The following RBFOX1 variants were observed in gnomAD, a reference collection of about 807,000 sequenced individuals.
RBFOX1 encodes RNA binding fox-1 homolog 1, also known as RNA binding protein fox-1 homolog 1.
In RBFOX1, 8 loss-of-function variants were observed where a neutral mutation model predicts 57.7. The observed-to-expected ratio is 0.14, with a 90% CI of 0.08 to 0.25. RBFOX1 has a LOEUF of 0.25. Among genes scored for constraint, RBFOX1 ranks in the 10% least tolerant of loss-of-function variants. RBFOX1 has a pLI of 1.00. For synonymous variants in RBFOX1, 326 were observed against 222.4 expected (o/e 1.47, Z -4.15); for missense variants, 611 against 548.5 (o/e 1.11, Z -1.14).
intron 4 of RBFOX1, among the ~76,000 whole-genome samples, chr16:7,181,133 T>A (rs1283118693): frequency 6.6e-6 from 1 of 152,210 alleles, no homozygotes; most frequent in Non-Finnish European, 1.5e-5. Context: ...AGGCTTTCAA[T>A]CCTTCCTTGT....
intron 3 of RBFOX1, among the ~76,000 whole-genome samples, chr16:7,011,875 G>A (rs188517862): frequency 6.6e-6 from 1 of 152,308 alleles, no homozygotes; most frequent in East Asian, 1.9e-4. Context: ...GATGCCTTTG[G>A]ATGATGTTAG....
chr16:5,508,051 C>A lies in RBFOX1; in HGVS notation c.258+40797C>A, dbSNP rs577453658. Among the ~76,000 whole-genome samples the A allele has an allele frequency of 2.0e-5, 3 of 152,322 alleles. No homozygotes were observed. In the East Asian group the frequency reaches 5.8e-4, roughly 29 times the overall value. ...AGTGGGGAAAAATGTAGAAGGGAAA[C>A]CCCCATGGACAGTCCCCGGCCCCTC... On this transcript the variant is annotated intron_variant, in intron 2 of 2. Transcript: ENST00000585867.
At position 5,403,797 on chromosome 16, in the gene RBFOX1, G is replaced by T. The variant is rs369257649; in HGVS notation, c.220-63419G>T. On this transcript the variant is annotated intron_variant, in intron 1 of 2. Coordinates refer to the RBFOX1 transcript ENST00000585867. Reference sequence around the variant, plus strand: ...GCTAAAGAAAGGAAAAATCCCCACTGCTCTATTCAGTGATTTCCTGCCTCA... The same window carrying T: ...GCTAAAGAAAGGAAAAATCCCCACTTCTCTATTCAGTGATTTCCTGCCTCA... Among the ~76,000 whole-genome samples, 5 of 152,182 alleles carry T rather than the reference G, an allele frequency of 3.3e-5. No individual in the cohort carries two copies. In the East Asian group the frequency reaches 9.7e-4, roughly 29 times the overall value.
intron 3 of RBFOX1, among the ~76,000 whole-genome samples, chr16:6,918,078 G>A (rs2073639824): frequency 6.6e-6 from 1 of 152,144 alleles, no homozygotes; most frequent in Non-Finnish European, 1.5e-5. Context: ...CTTGAGGTCA[G>A]GAGTTCGAGA....
chr16:7,354,483 G>C (rs2097180449), intron 4 of RBFOX1, among the ~76,000 whole-genome samples: 1 of 152,128 alleles, frequency 6.6e-6, no homozygotes, highest in Non-Finnish European at 1.5e-5. Flanking sequence ...CACCAGCTGA[G>C]ACTGTCCTTC....
At chr16:7,126,351 G>T in intron 4 of RBFOX1, 1 of 263,300 alleles carries the variant, frequency 3.8e-6, no homozygotes, top group Admixed American at 4.0e-5. Flanking sequence ...TCGAGGTGGG[G>T]GTTTTTGGTC....
intron 4 of RBFOX1, among the ~76,000 whole-genome samples, chr16:7,456,684 C>A (rs1236086397): frequency 6.6e-6 from 1 of 152,112 alleles, no homozygotes; most frequent in East Asian, 1.9e-4. Context: ...AACGGTCTTC[C>A]TGGGATGTTC....
chr16:6,559,033 A>G (rs912784667), intron 2 of RBFOX1, among the ~76,000 whole-genome samples: 2 of 151,100 alleles, frequency 1.3e-5, no homozygotes, highest in Non-Finnish European at 2.9e-5. Flanking sequence ...TGCAACTCCA[A>G]CTCCCTAGGA....
intron 2 of RBFOX1, among the ~76,000 whole-genome samples, chr16:5,499,957 G>A (rs1424001963): frequency 2.6e-5 from 4 of 152,098 alleles, no homozygotes; most frequent in African/African-American, 4.8e-5. Context: ...TATTTATTTC[G>A]TATCTGCTAC....
At chr16:6,973,290 C>T (rs1166423148) in intron 3 of RBFOX1, among the ~76,000 whole-genome samples, 1 of 152,126 alleles carries the variant, frequency 6.6e-6, no homozygotes, top group East Asian at 1.9e-4. Context: ...GATGCATTTT[C>T]TTATGTGCCA....
intron 3 of RBFOX1, among the ~76,000 whole-genome samples, chr16:6,828,670 A>T (rs775237435): frequency 6.6e-6 from 1 of 152,004 alleles, no homozygotes; most frequent in African/African-American, 2.4e-5. Context: ...CTAGGACCTC[A>T]TGATGTGTTT....
intron 10 of RBFOX1, among the ~76,000 whole-genome samples, chr16:7,619,615 A>T (rs536466452): frequency 6.6e-6 from 1 of 152,280 alleles, no homozygotes; most frequent in African/African-American, 2.4e-5. Context: ...AGAAGTGACA[A>T]TAGAGAAGCC....
At chr16:5,654,176 C>G (rs2049343778) in intron 3 of RBFOX1, among the ~76,000 whole-genome samples, 3 of 152,158 alleles carry the variant, frequency 2.0e-5, no homozygotes, top group Non-Finnish European at 4.4e-5. Context: ...CCTCAGACCT[C>G]TTATCTGTGA....
At chr16:6,031,906 T>A (rs1322012896) in intron 1 of RBFOX1, among the ~76,000 whole-genome samples, 3 of 152,172 alleles carry the variant, frequency 2.0e-5, no homozygotes. Context: ...TATGAACATA[T>A]CTTCATAACA....
chr16:6,316,179 C>T (rs755055402), intron 1 of RBFOX1, among the ~76,000 whole-genome samples: 2 of 149,000 alleles, frequency 1.3e-5, no homozygotes, highest in African/African-American at 4.9e-5. Flanking sequence ...AGTATCCCAA[C>T]CCCCTTGGGT....
intron 2 of RBFOX1, among the ~76,000 whole-genome samples, chr16:6,411,281 C>A (rs1262022221): frequency 6.6e-6 from 1 of 152,156 alleles, no homozygotes; most frequent in Admixed American, 6.5e-5. Context: ...CACACTTGGA[C>A]CCTTTTTATC....
intron 3 of RBFOX1, among the ~76,000 whole-genome samples, chr16:5,832,894 C>T (rs1213518257): frequency 6.6e-6 from 1 of 151,630 alleles, no homozygotes; most frequent in African/African-American, 2.4e-5. Context: ...TTAAAGGGTC[C>T]TCAGAGACTT....
chr16:6,055,480 C>G (rs2095603357), intron 1 of RBFOX1, among the ~76,000 whole-genome samples: 1 of 149,310 alleles, frequency 6.7e-6, no homozygotes, highest in African/African-American at 2.5e-5. Flanking sequence ...TTAATCCCAG[C>G]TATTCGGGAG....
At chr16:5,429,493 G>T (rs1044302123) in intron 1 of RBFOX1, among the ~76,000 whole-genome samples, 1 of 152,180 alleles carries the variant, frequency 6.6e-6, no homozygotes, top group Non-Finnish European at 1.5e-5. Flanking sequence ...TTGATTTTGA[G>T]GGGCCTGTGG....
Sources: allele counts gnomAD v4.1 joint callset (sites outside exome capture counted in the v4.1 genomes callset), GRCh38; gene constraint gnomAD v4.1.1; transcripts MANE v1.5; gene names NCBI Gene and HGNC (gene_info 2026-07-23, HGNC 2026-07-21).